NOCT: variants seen among roughly 807,000 people sequenced by gnomAD.
NOCT encodes nocturnin, also known as CCR4 carbon catabolite repression 4-like.
Under a neutral mutation model 35.0 loss-of-function variants are expected in NOCT, and 18 were observed. The observed-to-expected ratio is 0.51, with a 90% confidence interval of 0.36 to 0.76. The LOEUF is 0.76. Among genes scored for constraint, NOCT ranks in the 30% least tolerant of loss-of-function variants. The pLI is 0.01. For synonymous variants in NOCT, 235 were observed against 226.3 expected (o/e 1.04, Z -0.34); for missense variants, 479 against 541.0 (o/e 0.89, Z 1.14).
intron 1 of NOCT, among the ~76,000 whole-genome samples, chr4:139,029,605 GTTTATT>G (rs1172118401): frequency 1.3e-5 from 2 of 152,162 alleles, no homozygotes; most frequent in African/African-American, 2.4e-5. Context: ...TTGGCACTTA[GTTTATT>G]TTTATTTTTA....
chr4:139,032,004 C>T (rs1227122380), intron 1 of NOCT, among the ~76,000 whole-genome samples: 3 of 152,144 alleles, frequency 2.0e-5, no homozygotes, highest in Non-Finnish European at 2.9e-5. Flanking sequence ...TGAGCTACCA[C>T]GCCCAGCCTC....
intron 1 of NOCT, among the ~76,000 whole-genome samples, chr4:139,036,561 A>G (rs1441612929): frequency 1.3e-5 from 2 of 152,170 alleles, no homozygotes; most frequent in African/African-American, 4.8e-5. Context: ...GGTTACTCTT[A>G]TCCATCCTGA....
intron 1 of NOCT, among the ~76,000 whole-genome samples, chr4:139,019,514 C>A (rs919062795): frequency 2.0e-5 from 3 of 152,210 alleles, no homozygotes; most frequent in Non-Finnish European, 2.9e-5. Context: ...ACATCTGGCA[C>A]CCATATGTGA....
chr4:139,038,629 A>G (rs1430872432), intron 1 of NOCT, among the ~76,000 whole-genome samples: 1 of 152,202 alleles, frequency 6.6e-6, no homozygotes, highest in African/African-American at 2.4e-5. Context: ...ACCACTACTA[A>G]TTATGATCAC....
intron 1 of NOCT, among the ~76,000 whole-genome samples, chr4:139,037,976 T>C (rs1366849399): frequency 6.7e-6 from 1 of 149,712 alleles, no homozygotes; most frequent in African/African-American, 2.5e-5. Flanking sequence ...CCAAGGTGGG[T>C]GGATCACTTG....
chr4:139,044,545 G>A (rs1726898296), intron 2 of NOCT, 94 bp from the exon 3 acceptor site: 2 of 717,100 alleles, frequency 2.8e-6, no homozygotes, highest in Non-Finnish European at 4.8e-6. Flanking sequence ...AGCAGAGGAA[G>A]CATTCTGAGG....
intron 1 of NOCT, among the ~76,000 whole-genome samples, chr4:139,024,747 A>G (rs867874272): frequency 5.3e-5 from 8 of 152,142 alleles, no homozygotes; most frequent in Admixed American, 1.3e-4. Context: ...ATGCACCATC[A>G]TGCCTGGCCC....
intron 1 of NOCT, 21 bp downstream of exon 1, chr4:139,016,192 G>A: frequency 8.1e-7 from 1 of 1,231,120 alleles, no homozygotes; most frequent in South Asian, 3.5e-5. Flanking sequence ...CCCAGTTCCG[G>A]GCGGAGAACG....
intron 1 of NOCT, among the ~76,000 whole-genome samples, chr4:139,038,874 T>C (rs545801886): frequency 6.6e-6 from 1 of 152,254 alleles, no homozygotes; most frequent in South Asian, 2.1e-4. Flanking sequence ...CTTACACCAG[T>C]GTTTCTGGTT....
intron 1 of NOCT, among the ~76,000 whole-genome samples, chr4:139,033,191 C>G (rs1051447286): frequency 2.0e-5 from 3 of 151,818 alleles, no homozygotes; most frequent in East Asian, 1.9e-4. Flanking sequence ...GTGGTAAAAC[C>G]CTGTCTCTAC....
chr4:139,024,244 A>C (rs986057080), intron 1 of NOCT, among the ~76,000 whole-genome samples: 1 of 151,652 alleles, frequency 6.6e-6, no homozygotes, highest in Non-Finnish European at 1.5e-5. Flanking sequence ...TTTTTTGTAG[A>C]GACACGGGTC....
intron 1 of NOCT, among the ~76,000 whole-genome samples, chr4:139,034,821 A>G (rs1726700504): frequency 6.6e-6 from 1 of 152,132 alleles, no homozygotes; most frequent in Admixed American, 6.5e-5. Flanking sequence ...TCAGCCTCCC[A>G]GAGTGCTGGG....
chr4:139,038,087 C>A (rs1300819300), intron 1 of NOCT, among the ~76,000 whole-genome samples: 1 of 152,008 alleles, frequency 6.6e-6, no homozygotes, highest in African/African-American at 2.4e-5. Context: ...GTAGTCCCAA[C>A]TCCTCGGGAG....
At chr4:139,042,160 C>G (rs1726844882) in intron 1 of NOCT, among the ~76,000 whole-genome samples, 1 of 150,910 alleles carries the variant, frequency 6.6e-6, no homozygotes, top group African/African-American at 2.4e-5. Context: ...CACCATCTCC[C>G]TGGTTCAAGC....
chr4:139,039,765 A>G (rs1726801353), intron 1 of NOCT, among the ~76,000 whole-genome samples: 1 of 151,944 alleles, frequency 6.6e-6, no homozygotes, highest in South Asian at 2.1e-4. Context: ...GTATCGCTCT[A>G]TTGCCAGGCT....
chr4:139,021,705 G>A (rs886758497), intron 1 of NOCT, among the ~76,000 whole-genome samples: 1 of 151,694 alleles, frequency 6.6e-6, no homozygotes, highest in Non-Finnish European at 1.5e-5. Context: ...GTTAGGAAGG[G>A]AGATACAGCG....
intron 1 of NOCT, among the ~76,000 whole-genome samples, chr4:139,035,121 C>T (rs921495589): frequency 6.6e-6 from 1 of 151,938 alleles, no homozygotes; most frequent in African/African-American, 2.4e-5. Flanking sequence ...CAGCTGGAAA[C>T]TGTGGACATT....
Position 139,045,050 on chromosome 4 carries a change from C to CTGG in NOCT, c.873_875dup (p.Gly292dup). The CTGG allele has an allele frequency of 1.2e-6, 2 of 1,614,220 alleles. No homozygotes were observed. The highest frequency in any genetic ancestry group is 2.2e-5 in the South Asian group (2 of 91,088). The stretch of plus-strand genomic sequence containing the variant: ...GCTGTTACCCATCTAAAAGCACGCA[C>CTGG]TGGCTGGGAGCGGTTTCGATCAGCT... On this transcript the variant is annotated inframe_insertion, in exon 3 of 3. Transcript: ENST00000280614.
chr4:139,037,224 T>C (rs978572992), intron 1 of NOCT, among the ~76,000 whole-genome samples: 1 of 152,172 alleles, frequency 6.6e-6, no homozygotes, highest in Non-Finnish European at 1.5e-5. Context: ...ACCTAGTCTC[T>C]TATTCAAAAT....
Sources: gnomAD v4.1 joint callset for allele counts (sites outside exome capture counted in the v4.1 genomes callset) on GRCh38, gnomAD v4.1.1 for gene constraint, MANE v1.5 for transcripts, NCBI Gene and HGNC (gene_info 2026-07-23, HGNC 2026-07-21) for gene names.